ZNF786: variants seen among roughly 807,000 people sequenced by gnomAD.
ZNF786 encodes the protein zinc finger protein 786.
Under a neutral mutation model 63.1 loss-of-function variants are expected in ZNF786, and 56 were observed. The observed-to-expected ratio is 0.89, with a 90% CI of 0.72 to 1.11. ZNF786 has a LOEUF of 1.11. ZNF786 is among the 50% of genes least tolerant of loss of function. The pLI is 0.00. For missense variants in ZNF786, 1,213 were observed against 1,041.8 expected (o/e 1.16, Z -2.26); for synonymous variants, 485 against 406.9 (o/e 1.19, Z -2.31).
Position 149,074,552 on chromosome 7 carries a change from TCAGA to T in ZNF786, c.146-18_146-15del, listed in dbSNP as rs754976520. 1.9e-6 allele frequency: 3 copies of T among 1,608,454 alleles called. No individual in the cohort carries two copies. Among genetic ancestry groups the T allele is most frequent in the Non-Finnish European group, 2.5e-6 (3 of 1,177,946 alleles). Reference sequence around the variant, plus strand: ...GAAGTCCATCATCTGCACAGAGAAGTCAGACAGGGTAGTTTGGCTTCCTGAATTT... The same window carrying T: ...GAAGTCCATCATCTGCACAGAGAAGTCAGGGTAGTTTGGCTTCCTGAATTT... On this transcript the variant is annotated splice_polypyrimidine_tract_variant and intron_variant, in intron 2 of 3. Transcript: ENST00000491431.
intron 1 of ZNF786, among the ~76,000 whole-genome samples, chr7:149,085,968 T>C (rs1825729696): frequency 6.6e-6 from 1 of 152,206 alleles, no homozygotes; most frequent in South Asian, 2.1e-4. Flanking sequence ...TTTTATCAGA[T>C]CAAGGAGCGT....
chr7:149,086,213 A>C (rs946662962), intron 1 of ZNF786, among the ~76,000 whole-genome samples: 4 of 152,236 alleles, frequency 2.6e-5, no homozygotes, highest in Non-Finnish European at 5.9e-5. Flanking sequence ...AAGGAACACC[A>C]AGGTGGGGTA....
At position 149,070,913 on chromosome 7, in the gene ZNF786, G is replaced by A. The variant is rs756828290; in HGVS notation, c.1859C>T (p.Pro620Leu). Reference protein sequence around the residue: ...SHQRLHTGERPFQCPECDKRY... With the variant: ...SHQRLHTGERLFQCPECDKRY... ...CTTGTCGCACTCCGGACACTGGAAG[G>A]GCCTCTCTCCCGTGTGCAGGCGCTG... is the stretch of plus-strand genomic sequence containing the variant. The change falls in exon 4 of 4, where the codon CCC (proline) becomes CTC (leucine). Residue 620 changes from proline (P) to leucine (L), a missense_variant. Pro to Leu is a moderately conservative substitution (Grantham distance 98, BLOSUM62 -3). Transcript: ENST00000491431. 1 of 1,613,720 alleles carries A rather than the reference G, an allele frequency of 6.2e-7. No individual in the cohort carries two copies. The highest frequency in any genetic ancestry group is 1.1e-5 in the South Asian group (1 of 91,086).
intron 1 of ZNF786, among the ~76,000 whole-genome samples, chr7:149,085,696 T>G (rs11972631): frequency 6.1e-4 from 91 of 150,298 alleles, no homozygotes; most frequent in African/African-American, 2.1e-3. Flanking sequence ...GTATGGCCAT[T>G]TTAACAATAT....
At chr7:149,076,706 G>C (rs1425346668) in intron 2 of ZNF786, among the ~76,000 whole-genome samples, 2 of 129,410 alleles carry the variant, frequency 1.5e-5, no homozygotes, top group Non-Finnish European at 3.2e-5. Context: ...GCAAGAGAGA[G>C]AGACTCCATC....
chr7:149,082,979 T>G (rs1375198073), intron 1 of ZNF786, among the ~76,000 whole-genome samples: 3 of 151,948 alleles, frequency 2.0e-5, no homozygotes, highest in Non-Finnish European at 4.4e-5. Context: ...CACTGCAACC[T>G]CCACCACCCT....
At chr7:149,086,501 G>T (rs867173968) in intron 1 of ZNF786, among the ~76,000 whole-genome samples, 22 of 152,096 alleles carry the variant, frequency 1.4e-4, no homozygotes, top group Non-Finnish European at 5.9e-5. Flanking sequence ...GGTGGCAGGG[G>T]CCTGTAATCC....
intron 3 of ZNF786, among the ~76,000 whole-genome samples, 193 bp from the exon 4 acceptor site, chr7:149,072,666 C>A (rs1825453493): frequency 1.3e-5 from 2 of 152,160 alleles, no homozygotes; most frequent in Admixed American, 6.5e-5. Context: ...ACTGAACAGA[C>A]ATATCTTTGG....
In ZNF786 at chr7:149,071,532, C is replaced by T; in HGVS notation, c.1240G>A (p.Val414Ile). The change falls in exon 4 of 4, where the codon GTC (valine) becomes ATC (isoleucine). Residue 414 changes from valine to isoleucine, a missense_variant. Val to Ile is a conservative substitution (Grantham distance 29). Coordinates refer to ENST00000491431, the MANE Select transcript of ZNF786 (RefSeq NM_152411.4). Reference sequence around the variant, plus strand: ...TCCCCACCGTGCGCGTGCTGGTGGACCTGCAGCAGGCGGCGCAGGCGGAAG... The same window carrying T: ...TCCCCACCGTGCGCGTGCTGGTGGATCTGCAGCAGGCGGCGCAGGCGGAAG... ...KRFRLRRLLQ[V>I]HQHAHGGERP... The T allele has an allele frequency of 6.2e-7, 1 of 1,613,254 alleles. No individual in the cohort carries two copies. The highest frequency in any genetic ancestry group is 8.5e-7 in the Non-Finnish European group (1 of 1,179,872).
At chr7:149,084,501 A>G (rs1250438076) in intron 1 of ZNF786, among the ~76,000 whole-genome samples, 1 of 152,150 alleles carries the variant, frequency 6.6e-6, no homozygotes, top group Non-Finnish European at 1.5e-5. Flanking sequence ...TAACTTTTTA[A>G]TAGCCATTCT....
chr7:149,071,707 TTCCTGGTGGCTGTTCCCC>T lies in ZNF786; in HGVS notation c.1047_1064del (p.Asn351_Gly356del). ...CATGCTGCAGCGCCTCCGTGTCCCC[TTCCTGGTGGCTGTTCCCC>T]TCCTGGGGCAGGCGCGAGCCTGGTT... is the stretch of plus-strand genomic sequence containing the variant. On this transcript the variant is annotated inframe_deletion, in exon 4 of 4. Coordinates refer to ENST00000491431, the MANE Select transcript of ZNF786 (RefSeq NM_152411.4). The T allele has an allele frequency of 6.3e-7, 1 of 1,578,540 alleles. No individual in the cohort carries two copies. The highest frequency in any genetic ancestry group is 8.5e-7 in the Non-Finnish European group (1 of 1,170,078).
At position 149,070,228 on chromosome 7, in the gene ZNF786, A is replaced by AT; in HGVS notation, c.*194_*195insA. ...TCCATCTTGGAAAAAAAAAAAAAAA[A>AT]GAAAGAAATATAATTGGTGATGCTT... On this transcript the variant is annotated 3_prime_UTR_variant, in exon 4 of 4. Transcript: ENST00000491431. 7.5e-6 allele frequency: 5 copies of AT among 667,766 alleles called. No homozygotes were observed. Among genetic ancestry groups the AT allele is most frequent in the Admixed American group, 3.3e-5 (1 of 30,578 alleles). The allele number at this position is 667,766 out of a possible 1,614,324, so 41.4% of individuals were successfully genotyped here.
Position 149,074,527 on chromosome 7 carries a change from G to T in ZNF786, c.157C>A (p.Pro53Thr). The T allele has an allele frequency of 6.2e-7, 1 of 1,613,506 alleles. No individual in the cohort carries two copies. The change falls in exon 3 of 4, where the codon CCA becomes ACA. Residue 53 changes from proline (P) to threonine (T), a missense_variant. By Grantham distance (38) the Pro-to-Thr change is conservative (BLOSUM62 -1). Coordinates refer to ENST00000491431, the MANE Select transcript of ZNF786 (RefSeq NM_152411.4). ...ATCCAGGATATTAGTTCTGGTTTTGGAAGTCCATCATCTGCACAGAGAAGT... is the reference window on the plus strand; with the variant it reads ...ATCCAGGATATTAGTTCTGGTTTTGTAAGTCCATCATCTGCACAGAGAAGT... ...ETLVSLDDGL[P>T]KPELISWIEH...
Position 149,070,621 on chromosome 7 carries a change from T to TCC in ZNF786, c.2149_2150dup (p.His718AspfsTer4). The TCC allele has an allele frequency of 1.2e-6, 2 of 1,613,958 alleles. No individual in the cohort carries two copies. The highest frequency in any genetic ancestry group is 1.7e-6 in the Non-Finnish European group (2 of 1,179,888). On this transcript the variant is annotated frameshift_variant, in exon 4 of 4. Transcript: ENST00000491431. LOFTEE classifies it high-confidence loss of function. ...GGATGCGCTGGTGCCTCAGCATGTGTCCCCTTTCCCGGAAGTTCTTGTCAC... is the reference window on the plus strand; with the variant it reads ...GGATGCGCTGGTGCCTCAGCATGTGTCCCCCCTTTCCCGGAAGTTCTTGTCAC...
At chr7:149,077,212 G>T (rs1462439620) in intron 2 of ZNF786, among the ~76,000 whole-genome samples, 1 of 152,190 alleles carries the variant, frequency 6.6e-6, no homozygotes, top group Non-Finnish European at 1.5e-5. Context: ...TTTAGGATCA[G>T]CTTATCAAAT....
intron 1 of ZNF786, among the ~76,000 whole-genome samples, chr7:149,085,203 A>G (rs1825716139): frequency 6.6e-6 from 1 of 152,106 alleles, no homozygotes; most frequent in Middle Eastern, 3.2e-3. Flanking sequence ...AGCCTTGTAT[A>G]GTTTGAAGTC....
In ZNF786 at chr7:149,070,909, G is replaced by A. The variant is rs200634145; in HGVS notation, c.1863C>T (p.Phe621=). The change falls in exon 4 of 4, where the codon TTC becomes TTT. Residue 621 remains phenylalanine (F), a synonymous_variant. Coordinates refer to ENST00000491431, the MANE Select transcript of ZNF786 (RefSeq NM_152411.4). ...AGCGCTTGTCGCACTCCGGACACTGGAAGGGCCTCTCTCCCGTGTGCAGGC... is the reference window on the plus strand; with the variant it reads ...AGCGCTTGTCGCACTCCGGACACTGAAAGGGCCTCTCTCCCGTGTGCAGGC... ...HQRLHTGERP[F]QCPECDKRYR... is the part of the protein sequence containing the mutation. The A allele has an allele frequency of 1.1e-5, 17 of 1,609,878 alleles. No homozygotes were observed. In the African/African-American group the frequency reaches 1.6e-4, roughly 15 times the overall value.
rs542774609 is a variant in ZNF786, at chr7:149,078,809, ATTATCT to A, written c.145+1776_145+1781del. ...GATGAAGAGAAATACTAGAGAACTAATTATCTTTATATACTGAATGAGTCAGATGAA... is the reference window on the plus strand; with the variant it reads ...GATGAAGAGAAATACTAGAGAACTAATTATATACTGAATGAGTCAGATGAA... On this transcript the variant is annotated intron_variant, in intron 2 of 3. Coordinates refer to ENST00000491431, the MANE Select transcript of ZNF786 (RefSeq NM_152411.4). Among the ~76,000 whole-genome samples the A allele has an allele frequency of 3.2e-4, 48 of 152,344 alleles. No individual in the cohort carries two copies. The East Asian group carries it at 4.2e-3, about 13-fold the overall frequency.
rs772808120 is a variant in ZNF786, at chr7:149,074,487, T to C, written c.197A>G (p.Glu66Gly). 6 of 1,613,896 alleles carry C rather than the reference T, an allele frequency of 3.7e-6. No individual in the cohort carries two copies. The East Asian group carries it at 1.1e-4, about 30-fold the overall frequency. ...ELISWIEHGG[E>G]PFRKWRESQK... ...TGATTCTCTCCATTTCCTGAAGGGC[T>C]CTCCCCCGTGTTCAATCCAGGATAT... The change falls in exon 3 of 4, where the codon GAG becomes GGG. Residue 66 changes from glutamate to glycine, a missense_variant. Coordinates refer to ENST00000491431, the MANE Select transcript of ZNF786 (RefSeq NM_152411.4).
Sources: allele counts gnomAD v4.1 joint callset (sites outside exome capture counted in the v4.1 genomes callset), GRCh38; gene constraint gnomAD v4.1.1; transcripts MANE v1.5; gene names NCBI Gene and HGNC (gene_info 2026-07-23, HGNC 2026-07-21).